The following SFMBT2 variants were observed in gnomAD, a reference collection of about 807,000 sequenced individuals.
SFMBT2 encodes Scm like with four mbt domains 2.
A neutral mutation model predicts 110.1 loss-of-function variants in SFMBT2; 38 were observed. The ratio of observed to expected loss-of-function variants is 0.35; its 90% CI spans 0.27 to 0.45. The LOEUF (loss-of-function observed/expected upper bound fraction) is 0.45. SFMBT2 is among the 20% of genes least tolerant of loss of function. SFMBT2 has a pLI of 1.00. For synonymous variants in SFMBT2, 425 were observed against 425.4 expected (o/e 1.00, Z 0.01); for missense variants, 1,011 against 1,094.9 (o/e 0.92, Z 1.08).
intron 4 of SFMBT2, among the ~76,000 whole-genome samples, chr10:7,322,571 A>C (rs1397630089): frequency 6.6e-6 from 1 of 151,938 alleles, no homozygotes; most frequent in African/African-American, 2.4e-5. Flanking sequence ...ATATACAAGA[A>C]AATTTTTAAG....
intron 17 of SFMBT2, 68 bp downstream of exon 17, chr10:7,175,922 C>A (rs1302116971): frequency 2.8e-6 from 4 of 1,438,880 alleles, no homozygotes; most frequent in East Asian, 2.3e-5. Flanking sequence ...GAAACAAAAA[C>A]CAAATACCTT....
chr10:7,184,882 G>A (rs1407724462), intron 16 of SFMBT2, among the ~76,000 whole-genome samples: 2 of 152,168 alleles, frequency 1.3e-5, no homozygotes, highest in Admixed American at 6.5e-5. Context: ...AGCTTTACAA[G>A]CTGTGGGAAA....
chr10:7,171,675 AG>A lies in SFMBT2; in HGVS notation c.2415+219del. ...GTGGCACTAAAGCCGTCCAGGAAAG[AG>A]GCGCTGTCTCCACCCTGGGCACTCC... On this transcript the variant is annotated intron_variant, in intron 19 of 20. Coordinates refer to ENST00000397167, the MANE Select transcript of SFMBT2 (RefSeq NM_001387889.1). This position sits in a 1 kb window ranked among gnomAD's most constrained non-coding sequence, Gnocchi z 4.9. 1 of 755,716 alleles carries A rather than the reference AG, an allele frequency of 1.3e-6. No homozygotes were observed. The highest frequency in any genetic ancestry group is 1.6e-6 in the Non-Finnish European group (1 of 620,326). The allele number at this position is 755,716 out of a possible 1,614,324, so 46.8% of individuals were successfully genotyped here. A position where few individuals can be genotyped will look rare whatever the true frequency, so the allele number is the denominator to read the frequency against.
At position 7,408,941 on chromosome 10, in the gene SFMBT2, G is replaced by A. The variant is rs1289939235; in HGVS notation, c.-52+1920C>T. 6.6e-6 allele frequency among the ~76,000 whole-genome samples: 1 copy of A among 152,092 alleles called. No homozygotes were observed. Among genetic ancestry groups the A allele is most frequent in the Non-Finnish European group, 1.5e-5 (1 of 68,012 alleles). On this transcript the variant is annotated intron_variant, in intron 1 of 20. Transcript: ENST00000397167. This position sits in a 1 kb window ranked among gnomAD's most constrained non-coding sequence, Gnocchi z 5.7. ...TCCGATGCGCCGAGAGGGTTCCTAA[G>A]CCGAGCAAGGGACAATTTCTTCCCC...
In SFMBT2 at chr10:7,381,891, C is replaced by T. The variant is rs751909498; in HGVS notation, c.8G>A (p.Ser3Asn). 2 of 1,600,912 alleles carry T rather than the reference C, an allele frequency of 1.2e-6. No homozygotes were observed. The highest frequency in any genetic ancestry group is 1.7e-4 in the Middle Eastern group (1 of 6,030). Residue 3 changes from serine to asparagine, a missense_variant, in exon 2 of 21, where the codon AGC becomes AAC. Transcript: ENST00000397167. ...TTGCATATTGGAAGCTGACAAAGTG[C>T]TCTCCATGCCTGATGAGCAAGTGTC... Reference protein sequence around the residue: MESTLSASNMQDP... With the variant: MENTLSASNMQDP...
At chr10:7,305,665 G>A (rs1842671983) in intron 4 of SFMBT2, among the ~76,000 whole-genome samples, 1 of 152,230 alleles carries the variant, frequency 6.6e-6, no homozygotes. Context: ...GCAGTCTGGG[G>A]CAGCCTTATC....
rs59565462 is a variant in SFMBT2, at chr10:7,376,698, C to CAAA, written c.100+5098_100+5100dup. 6.3e-3 allele frequency among the ~76,000 whole-genome samples: 293 copies of CAAA among 46,378 alleles called. 23 individuals are homozygous for CAAA. Among genetic ancestry groups the CAAA allele is most frequent in the East Asian group, 0.021 (29 of 1,378 alleles). The allele number at this position is 46,378 out of a possible 152,430, so 30.4% of individuals were successfully genotyped here. ...TGGGTGACAGAGCAAGACTCTGTCTCAAAAAAAAAAAAAAAAAAGGCCCTC... is the reference window on the plus strand; with the variant it reads ...TGGGTGACAGAGCAAGACTCTGTCTCAAAAAAAAAAAAAAAAAAAAAGGCCCTC... On this transcript the variant is annotated intron_variant, in intron 2 of 20. Coordinates refer to ENST00000397167, the MANE Select transcript of SFMBT2 (RefSeq NM_001387889.1).
chr10:7,164,204 C>T (rs1837631910), intron 20 of SFMBT2: 3 of 792,314 alleles, frequency 3.8e-6, no homozygotes, highest in Non-Finnish European at 4.6e-6. Flanking sequence ...CTGGGTAACA[C>T]GGTGAGATAC....
At chr10:7,165,966 C>A (rs1837683636) in intron 20 of SFMBT2, among the ~76,000 whole-genome samples, 1 of 152,196 alleles carries the variant, frequency 6.6e-6, no homozygotes. Context: ...GAGCCAAATC[C>A]ACATGTAATA....
Position 7,284,061 on chromosome 10 carries a change from T to A in SFMBT2, c.615A>T (p.Ile205=). Residue 205 remains isoleucine (I), a synonymous_variant, in exon 6 of 21, where the codon ATA becomes ATT. Transcript: ENST00000397167. ...CTCCAACATTTTCAATCACACTAAC[T>A]ATCCAGTACTGAAAAGGGTTCTGGG... ...QDSQNPFQYW[I]VSVIENVGGR... 1 of 1,614,202 alleles carries A rather than the reference T, an allele frequency of 6.2e-7. No homozygotes were observed. The highest frequency in any genetic ancestry group is 1.3e-5 in the African/African-American group (1 of 75,048).
At chr10:7,232,113 C>T (rs956845209) in intron 9 of SFMBT2, among the ~76,000 whole-genome samples, 1 of 152,168 alleles carries the variant, frequency 6.6e-6, no homozygotes, top group African/African-American at 2.4e-5. Context: ...TGTTGAACCA[C>T]AACCATTAGA....
chr10:7,190,141 T>A (rs1454106331), intron 15 of SFMBT2, among the ~76,000 whole-genome samples: 3 of 152,024 alleles, frequency 2.0e-5, no homozygotes, highest in Non-Finnish European at 4.4e-5. Context: ...ACCAAGAGAA[T>A]GTGGCTTGCC....
At chr10:7,186,475 A>ATATATATATATATATATATATATAT (rs1345076690) in intron 16 of SFMBT2, among the ~76,000 whole-genome samples, 5 of 136,626 alleles carry the variant, frequency 3.7e-5, no homozygotes, top group South Asian at 2.2e-4. Context: ...TATATATATA[A>ATATATATATATATATATATATATAT]AAATATTTTA....
intron 4 of SFMBT2, among the ~76,000 whole-genome samples, chr10:7,323,565 G>A (rs1843271525): frequency 6.6e-6 from 1 of 151,612 alleles, no homozygotes; most frequent in African/African-American, 2.4e-5. Context: ...AATATTACAT[G>A]GGGTTTCAAC....
intron 4 of SFMBT2, among the ~76,000 whole-genome samples, chr10:7,336,764 A>G (rs1179286177): frequency 6.6e-6 from 1 of 152,154 alleles, no homozygotes; most frequent in Non-Finnish European, 1.5e-5. Flanking sequence ...AATGTAACAA[A>G]TTTATGAGAA....
At chr10:7,341,305 T>C (rs537868153) in intron 4 of SFMBT2, among the ~76,000 whole-genome samples, 1 of 152,306 alleles carries the variant, frequency 6.6e-6, no homozygotes, top group African/African-American at 2.4e-5. Flanking sequence ...AGCTATTCAG[T>C]AACACAAAGC....
intron 7 of SFMBT2, among the ~76,000 whole-genome samples, chr10:7,266,578 A>G (rs1446170255): frequency 6.6e-6 from 1 of 152,194 alleles, no homozygotes; most frequent in Admixed American, 6.5e-5. Flanking sequence ...GCATCAGGCG[A>G]CTGGACCCAG....
intron 8 of SFMBT2, among the ~76,000 whole-genome samples, chr10:7,245,574 C>T (rs1276408409): frequency 6.6e-6 from 1 of 152,238 alleles, no homozygotes; most frequent in Non-Finnish European, 1.5e-5. Flanking sequence ...GGACTCAGAA[C>T]TAATGCCCAG....
intron 4 of SFMBT2, among the ~76,000 whole-genome samples, chr10:7,313,625 T>TTTTTTG (rs552314610): frequency 2.0e-5 from 3 of 151,854 alleles, no homozygotes; most frequent in African/African-American, 7.3e-5. Flanking sequence ...ACGATTGGGG[T>TTTTTTG]TTTTTGTTTT....
Sources: allele counts gnomAD v4.1 joint callset (sites outside exome capture counted in the v4.1 genomes callset), GRCh38; gene constraint gnomAD v4.1.1; non-coding constraint Gnocchi (gnomAD v3.1); transcripts MANE v1.5; gene names NCBI Gene and HGNC (gene_info 2026-07-23, HGNC 2026-07-21).